The following CNTLN variants were observed in gnomAD, a reference collection of about 807,000 sequenced individuals.
CNTLN encodes centlein, centrosomal protein.
Under a neutral mutation model 180.0 loss-of-function variants are expected in CNTLN, and 212 were observed. The ratio of observed to expected loss-of-function variants is 1.18; its 90% CI spans 1.05 to 1.32. CNTLN has a LOEUF of 1.32. Ranked by LOEUF, CNTLN falls within the 40% of genes most tolerant of loss-of-function variation. CNTLN has a pLI of 0.00. For missense variants in CNTLN, 2,095 were observed against 1,610.9 expected (o/e 1.30, Z -5.14); for synonymous variants, 722 against 563.1 (o/e 1.28, Z -3.99).
intron 18 of CNTLN, among the ~76,000 whole-genome samples, chr9:17,418,115 T>G (rs369238908): frequency 3.3e-5 from 5 of 151,994 alleles, no homozygotes; most frequent in Non-Finnish European, 5.9e-5. Context: ...TTATATGTAA[T>G]TTTATTTTTT....
intron 8 of CNTLN, among the ~76,000 whole-genome samples, chr9:17,320,321 G>C (rs2133032359): frequency 6.6e-6 from 1 of 151,840 alleles, no homozygotes; most frequent in East Asian, 1.9e-4. Flanking sequence ...TAAATGTAAT[G>C]TCTGTATACT....
At chr9:17,143,421 T>G (rs1029195251) in intron 2 of CNTLN, 45 bp downstream of exon 2, 1 of 1,352,456 alleles carries the variant, frequency 7.4e-7, no homozygotes, top group Non-Finnish European at 1.1e-6. Context: ...GTGTGTTGAG[T>G]TTGTTTCTCT....
In CNTLN at chr9:17,289,782, T is replaced by G. The variant is rs966869334; in HGVS notation, c.984-8408T>G. Among the ~76,000 whole-genome samples the G allele has an allele frequency of 9.0e-5, 13 of 144,048 alleles. 1 individual carries two copies. Among genetic ancestry groups the G allele is most frequent in the South Asian group, 2.4e-4 (1 of 4,152 alleles). The allele number at this position is 144,048 out of a possible 152,430, so 94.5% of individuals were successfully genotyped here. A position where few individuals can be genotyped will look rare whatever the true frequency, so the allele number is the denominator to read the frequency against. On this transcript the variant is annotated intron_variant, in intron 6 of 25. Coordinates refer to ENST00000380647, the MANE Select transcript of CNTLN (RefSeq NM_017738.4). ...TTTCATCTTCCATTGCTGATACCCT[T>G]TCTTCCAGTTGATCGCATGGGCTCC...
At chr9:17,383,847 C>T (rs1302904151) in intron 13 of CNTLN, among the ~76,000 whole-genome samples, 1 of 151,974 alleles carries the variant, frequency 6.6e-6, no homozygotes, top group Admixed American at 6.6e-5. Flanking sequence ...ACCGTGTTAG[C>T]CAGGATGGTC....
intron 18 of CNTLN, among the ~76,000 whole-genome samples, chr9:17,456,360 AT>A (rs1209030993): frequency 2.1e-4 from 32 of 152,302 alleles, no homozygotes; most frequent in African/African-American, 7.2e-4. Context: ...TAAAGCTAAA[AT>A]ATAGCCAAAT....
chr9:17,209,880 T>A (rs7862706), intron 2 of CNTLN, among the ~76,000 whole-genome samples: 10 of 151,906 alleles, frequency 6.6e-5, no homozygotes, highest in African/African-American at 2.4e-4. Flanking sequence ...GGGAAAATAC[T>A]ATGATTTTAC....
intron 2 of CNTLN, among the ~76,000 whole-genome samples, chr9:17,184,246 A>T (rs922109928): frequency 3.9e-5 from 6 of 152,160 alleles, no homozygotes; most frequent in South Asian, 2.1e-4. Flanking sequence ...GATCAAGCAT[A>T]TATATGTATA....
intron 5 of CNTLN, among the ~76,000 whole-genome samples, chr9:17,267,882 C>T (rs933745610): frequency 6.6e-6 from 1 of 152,206 alleles, no homozygotes; most frequent in Non-Finnish European, 1.5e-5. Flanking sequence ...TGGTTTTCAG[C>T]TCCATCAGGT....
In CNTLN at chr9:17,330,688, T is replaced by C. The variant is rs1233076811; in HGVS notation, c.1398T>C (p.Ser466=). 2 of 1,611,496 alleles carry C rather than the reference T, an allele frequency of 1.2e-6. No homozygotes were observed. The change falls in exon 9 of 26, where the codon TCT becomes TCC. Residue 466 remains serine (S), a synonymous_variant. Coordinates refer to ENST00000380647, the MANE Select transcript of CNTLN (RefSeq NM_017738.4). ...SLETLMVSQK[S]EIEYLQEKLK... ...AAACGTTAATGGTTTCACAGAAGTCTGAAATTGAGTATTTACAGGAGAAAC... is the reference window on the plus strand; with the variant it reads ...AAACGTTAATGGTTTCACAGAAGTCCGAAATTGAGTATTTACAGGAGAAAC...
intron 6 of CNTLN, among the ~76,000 whole-genome samples, chr9:17,283,541 A>G (rs967149733): frequency 1.3e-5 from 2 of 152,150 alleles, no homozygotes; most frequent in African/African-American, 4.8e-5. Flanking sequence ...GTCATCTGCA[A>G]ACAGAGACAG....
chr9:17,274,341 T>G (rs1336955699), intron 6 of CNTLN, among the ~76,000 whole-genome samples: 1 of 149,482 alleles, frequency 6.7e-6, no homozygotes, highest in Non-Finnish European at 1.5e-5. Flanking sequence ...ACTCTTGTAT[T>G]TCTGTTTTTT....
intron 19 of CNTLN, among the ~76,000 whole-genome samples, chr9:17,460,338 G>A (rs1406376357): frequency 6.6e-6 from 1 of 151,718 alleles, no homozygotes; most frequent in African/African-American, 2.4e-5. Flanking sequence ...TAACAGGGAT[G>A]ACTTTTTACC....
At chr9:17,335,794 G>A (rs1820975967) in intron 10 of CNTLN, among the ~76,000 whole-genome samples, 1 of 151,520 alleles carries the variant, frequency 6.6e-6, no homozygotes, top group Non-Finnish European at 1.5e-5. Context: ...ACAAAAAAAT[G>A]AGCTGGGTTA....
intron 2 of CNTLN, among the ~76,000 whole-genome samples, chr9:17,193,497 A>T (rs1821921799): frequency 6.6e-6 from 1 of 151,768 alleles, no homozygotes; most frequent in Admixed American, 6.6e-5. Context: ...GGGGCAGTCA[A>T]ATCTTAAACC....
intron 25 of CNTLN, among the ~76,000 whole-genome samples, chr9:17,494,308 T>G (rs1398829540): frequency 1.3e-5 from 2 of 152,192 alleles, no homozygotes; most frequent in Admixed American, 6.5e-5. Flanking sequence ...TTTTGGCCAA[T>G]GACAGACCAC....
chr9:17,205,340 A>G (rs974060130), intron 2 of CNTLN, among the ~76,000 whole-genome samples: 6 of 152,248 alleles, frequency 3.9e-5, no homozygotes, highest in South Asian at 2.1e-4. Flanking sequence ...GCAAATTGGT[A>G]TAATAAGCAA....
chr9:17,324,209 C>T (rs1820111452), intron 8 of CNTLN, among the ~76,000 whole-genome samples: 1 of 151,964 alleles, frequency 6.6e-6, no homozygotes, highest in African/African-American at 2.4e-5. Flanking sequence ...GGCTTATACC[C>T]CGAAGTCACA....
At chr9:17,207,859 T>C (rs1403077909) in intron 2 of CNTLN, among the ~76,000 whole-genome samples, 1 of 152,156 alleles carries the variant, frequency 6.6e-6, no homozygotes, top group Non-Finnish European at 1.5e-5. Flanking sequence ...CCTAATAATT[T>C]TCTTGTGGAG....
chr9:17,139,633 CTGGGCAACAGAGTGAGACT>C (rs1453424306), intron 1 of CNTLN, among the ~76,000 whole-genome samples: 1 of 151,504 alleles, frequency 6.6e-6, no homozygotes, highest in African/African-American at 2.4e-5. Context: ...GCACTCCAGC[CTGGGCAACAGAGTGAGACT>C]TTGTCTCAAA....
Sources: gnomAD v4.1 joint callset for allele counts (sites outside exome capture counted in the v4.1 genomes callset) on GRCh38, gnomAD v4.1.1 for gene constraint, MANE v1.5 for transcripts, NCBI Gene and HGNC (gene_info 2026-07-23, HGNC 2026-07-21) for gene names.